CEP135: variants seen among roughly 807,000 people sequenced by gnomAD.
CEP135 encodes the protein centrosomal protein of 135 kDa.
CEP135 carries 142 observed loss-of-function variants against 157.3 expected under a neutral mutation model. The observed-to-expected ratio is 0.90, with a 90% CI of 0.79 to 1.04. CEP135 has a LOEUF of 1.04. Ranked by LOEUF, CEP135 falls within the 50% of genes least tolerant of loss-of-function variation. The pLI is 0.00. For missense variants in CEP135, 1,317 were observed against 1,309.2 expected, an observed-to-expected ratio of 1.01 and a Z score of -0.09; for synonymous variants, 396 against 439.8, an observed-to-expected ratio of 0.90 and a Z score of 1.25.
At chr4:56,004,189 GTTGT>G (rs1255047496) in intron 17 of CEP135, among the ~76,000 whole-genome samples, 1 of 152,126 alleles carries the variant, frequency 6.6e-6, no homozygotes, top group Admixed American at 6.5e-5. Flanking sequence ...GAGAGCAACT[GTTGT>G]TTAATTTCCA....
At position 56,010,624 on chromosome 4, in the gene CEP135, A is replaced by T. The variant is rs76540786; in HGVS notation, c.2505+721A>T. On this transcript the variant is annotated intron_variant, in intron 19 of 25. Coordinates refer to ENST00000257287, the MANE Select transcript of CEP135 (RefSeq NM_025009.5). ...TAAAGACTCAGGATAGGTTTTAATT[A>T]TTTGTGCAAGCTTCTGTCGGCTCCA... 9.2e-5 allele frequency among the ~76,000 whole-genome samples: 14 copies of T among 152,206 alleles called. No homozygotes were observed. The East Asian group carries it at 2.5e-3, about 27-fold the overall frequency.
At chr4:55,953,684 C>T (rs1728429273) in intron 3 of CEP135, among the ~76,000 whole-genome samples, 1 of 151,758 alleles carries the variant, frequency 6.6e-6, no homozygotes, top group Admixed American at 6.6e-5. Flanking sequence ...ATTAAAATTG[C>T]CATAGGGAAT....
intron 15 of CEP135, 129 bp downstream of exon 15, chr4:55,992,214 C>A (rs968928972): frequency 4.1e-6 from 3 of 725,392 alleles, no homozygotes; most frequent in Middle Eastern, 4.0e-4. Context: ...GCAGTAGACT[C>A]ACCTGGGAGC....
chr4:55,970,302 G>A (rs555845994), intron 9 of CEP135, among the ~76,000 whole-genome samples: 51 of 152,314 alleles, frequency 3.3e-4, no homozygotes, highest in African/African-American at 1.2e-3. Context: ...TACAGAAAAA[G>A]CATATAGTCC....
At chr4:56,030,924 C>T (rs966979708) in intron 25 of CEP135, among the ~76,000 whole-genome samples, 1 of 152,130 alleles carries the variant, frequency 6.6e-6, no homozygotes, top group Non-Finnish European at 1.5e-5. Context: ...GAGAGGATCA[C>T]TTGAGTTCAG....
rs139542198 is a variant in CEP135 at position 56,014,150 on chromosome 4, A to T, written c.2802+2165A>T. 6.2e-3 allele frequency among the ~76,000 whole-genome samples: 942 copies of T among 152,312 alleles called. 5 individuals are homozygous for T. Among genetic ancestry groups the T allele is most frequent in the Non-Finnish European group, 9.5e-3 (648 of 68,034 alleles). ...CAGCTTACCGAATTGTGAGAGAATA[A>T]TTTCTATTTTTTTAGGCCACACAAT... On this transcript the variant is annotated intron_variant, in intron 21 of 25. Coordinates refer to ENST00000257287, the MANE Select transcript of CEP135 (RefSeq NM_025009.5).
intron 21 of CEP135, among the ~76,000 whole-genome samples, chr4:56,014,710 C>A (rs1448808822): frequency 6.6e-6 from 1 of 151,968 alleles, no homozygotes; most frequent in Non-Finnish European, 1.5e-5. Flanking sequence ...AGAAATGGAG[C>A]AAGGAACTGA....
chr4:55,960,729 A>G (rs1479002158), intron 6 of CEP135: 1 of 152,062 alleles, frequency 6.6e-6, no homozygotes, highest in Non-Finnish European at 1.5e-5. Context: ...GTTTGAGACC[A>G]TCCTGGCCAA....
intron 25 of CEP135, among the ~76,000 whole-genome samples, chr4:56,026,879 T>G (rs186690091): frequency 6.6e-6 from 1 of 152,224 alleles, no homozygotes; most frequent in Admixed American, 6.5e-5. Context: ...GAAATAGTTA[T>G]GCCAGTCTTG....
intron 23 of CEP135, among the ~76,000 whole-genome samples, chr4:56,020,319 A>G (rs1181324554): frequency 6.6e-6 from 1 of 152,244 alleles, no homozygotes; most frequent in African/African-American, 2.4e-5. Context: ...AACCCAGAGT[A>G]GAGTACACAT....
Position 56,019,349 on chromosome 4 carries a change from G to A in CEP135, c.3013-4G>A, listed in dbSNP as rs763791923. On this transcript the variant is annotated splice_polypyrimidine_tract_variant and splice_region_variant and intron_variant, in intron 22 of 25. Transcript: ENST00000257287. ...GAAGTAATCTTACTTTGTTTTTCAC[G>A]TAGGTTGTGGTGGAATTAGAAAATG... 9 of 1,602,338 alleles carry A rather than the reference G, an allele frequency of 5.6e-6. No individual in the cohort carries two copies. Among genetic ancestry groups the A allele is most frequent in the East Asian group, 2.2e-5 (1 of 44,710 alleles).
At chr4:56,018,066 C>T (rs1306605862) in intron 22 of CEP135, among the ~76,000 whole-genome samples, 1 of 152,024 alleles carries the variant, frequency 6.6e-6, no homozygotes, top group Non-Finnish European at 1.5e-5. Context: ...TGGGTTCAAC[C>T]AATTCTCCCT....
chr4:55,984,044 A>G (rs146638546), intron 13 of CEP135, among the ~76,000 whole-genome samples: 33 of 152,336 alleles, frequency 2.2e-4, no homozygotes, highest in African/African-American at 7.9e-4. Context: ...TGGCCCCTGT[A>G]CTAGCCTTAC....
intron 24 of CEP135, among the ~76,000 whole-genome samples, chr4:56,022,090 T>C (rs183194496): frequency 6.6e-6 from 1 of 152,248 alleles, no homozygotes; most frequent in African/African-American, 2.4e-5. Context: ...GAAAGCAGGA[T>C]TGATAATTTC....
In CEP135 at chr4:56,032,899, T is replaced by G. The variant is rs940561026; in HGVS notation, c.*1551T>G. On this transcript the variant is annotated 3_prime_UTR_variant, in exon 26 of 26. Transcript: ENST00000257287. ...ACCTGGGGGTGGGCAGTGCTCTTTT[T>G]CTAAAACTAATATGGCTTATATATC... 3 of 151,804 alleles carry G rather than the reference T, an allele frequency of 2.0e-5. No homozygotes were observed. The highest frequency in any genetic ancestry group is 7.3e-5 in the African/African-American group (3 of 41,312). The allele number at this position is 151,804 out of a possible 1,614,324, so 9.4% of individuals were successfully genotyped here. A position where few individuals can be genotyped will look rare whatever the true frequency, so the allele number is the denominator to read the frequency against.
intron 10 of CEP135, among the ~76,000 whole-genome samples, chr4:55,973,622 T>A (rs1035715272): frequency 3.9e-5 from 6 of 152,204 alleles, no homozygotes; most frequent in African/African-American, 1.4e-4. Context: ...ATAGTTTTAA[T>A]CTTTGTACTG....
Position 56,010,178 on chromosome 4 carries a change from C to G in CEP135, c.2505+275C>G, listed in dbSNP as rs568037600. Among the ~76,000 whole-genome samples the G allele has an allele frequency of 1.9e-4, 8 of 42,766 alleles. 1 individual carries two copies. The highest frequency in any genetic ancestry group is 1.7e-3 in the East Asian group (2 of 1,198). The allele number at this position is 42,766 out of a possible 152,430, so 28.1% of individuals were successfully genotyped here. On this transcript the variant is annotated intron_variant, in intron 19 of 25. Transcript: ENST00000257287. ...CAGCCTGGCCAACATTGTGAAAACC[C>G]CCCCCCCACCCCCATCTCTACTAAA...
At chr4:55,967,851 C>T (rs1423727525) in intron 8 of CEP135, among the ~76,000 whole-genome samples, 1 of 152,134 alleles carries the variant, frequency 6.6e-6, no homozygotes, top group Non-Finnish European at 1.5e-5. Flanking sequence ...GGAAGTTTTT[C>T]CTCTAAGATG....
At chr4:55,959,788 A>G in intron 6 of CEP135, 22 bp downstream of exon 6, 3 of 1,540,646 alleles carry the variant, frequency 1.9e-6, no homozygotes, top group Non-Finnish European at 2.7e-6. Flanking sequence ...ATTTACTTGC[A>G]TAGTAGGGAT....
Sources: gnomAD v4.1 joint callset for allele counts (sites outside exome capture counted in the v4.1 genomes callset) on GRCh38, gnomAD v4.1.1 for gene constraint, MANE v1.5 for transcripts, NCBI Gene and HGNC (gene_info 2026-07-23, HGNC 2026-07-21) for gene names.